Variants in RERG observed in about 807,000 individuals in gnomAD.
The protein encoded by RERG is RAS like estrogen regulated growth inhibitor.
In RERG, 25 loss-of-function variants were observed where a neutral mutation model predicts 23.2. The observed-to-expected ratio is 1.08, with a 90% CI of 0.79 to 1.50. The LOEUF (loss-of-function observed/expected upper bound fraction) is 1.50, where lower values mean the gene tolerates loss of function less well. Among genes scored for constraint, RERG ranks in the 40% most tolerant of loss-of-function variants. The probability of loss-of-function intolerance (pLI) is 0.00; values close to 1 mark genes in which losing one functional copy is unlikely to be tolerated. For missense variants in RERG, 253 were observed against 250.1 expected (o/e 1.01, Z -0.08); for synonymous variants, 81 against 89.1 (o/e 0.91, Z 0.51).
intron 2 of RERG, among the ~76,000 whole-genome samples, chr12:15,129,476 C>A (rs1218479608): frequency 6.6e-6 from 1 of 152,186 alleles, no homozygotes; most frequent in Non-Finnish European, 1.5e-5. Context: ...ATGTGACTTT[C>A]ACACACATTC....
At chr12:15,144,000 C>T (rs957864822) in intron 2 of RERG, among the ~76,000 whole-genome samples, 5 of 152,002 alleles carry the variant, frequency 3.3e-5, no homozygotes, top group Admixed American at 3.3e-4. Context: ...AACAGGAGGC[C>T]ACCAGTGTGG....
At chr12:15,171,048 A>G (rs781699138) in intron 2 of RERG, among the ~76,000 whole-genome samples, 1 of 152,206 alleles carries the variant, frequency 6.6e-6, no homozygotes, top group Non-Finnish European at 1.5e-5. Context: ...CACTGTAGTA[A>G]CATGAATGAA....
intron 2 of RERG, among the ~76,000 whole-genome samples, chr12:15,155,670 C>A (rs1484771325): frequency 6.6e-6 from 1 of 152,168 alleles, no homozygotes; most frequent in Non-Finnish European, 1.5e-5. Flanking sequence ...TGACAATTAT[C>A]TTGTTCTAGC....
At chr12:15,184,124 C>T (rs1219678127) in intron 2 of RERG, among the ~76,000 whole-genome samples, 1 of 147,678 alleles carries the variant, frequency 6.8e-6, no homozygotes, top group Non-Finnish European at 1.5e-5. Flanking sequence ...AAATCAATCA[C>T]TTAATGTCTT....
chr12:15,219,174 AAT>A lies in RERG; in HGVS notation c.-114-1573_-114-1572del, dbSNP rs562280443. On this transcript the variant is annotated intron_variant, in intron 1 of 4. Transcript: ENST00000256953. ...AGGCAGTAAAGATGTTTTAAACACA[AAT>A]ATGTTATCTAAATGTGTTAAATGTT... Among the ~76,000 whole-genome samples, 223 of 152,324 alleles carry A rather than the reference AAT, an allele frequency of 1.5e-3. 2 individuals are homozygous for A. Among genetic ancestry groups the A allele is most frequent in the African/African-American group, 5.2e-3 (217 of 41,574 alleles).
At chr12:15,206,026 T>A (rs1382019667) in intron 2 of RERG, among the ~76,000 whole-genome samples, 1 of 152,088 alleles carries the variant, frequency 6.6e-6, no homozygotes, top group Non-Finnish European at 1.5e-5. Context: ...ATACAGCTAC[T>A]GAGATTCTAT....
intron 2 of RERG, among the ~76,000 whole-genome samples, chr12:15,156,053 AAAAT>A (rs1488829397): frequency 2.0e-5 from 3 of 151,196 alleles, no homozygotes; most frequent in Admixed American, 2.0e-4. Flanking sequence ...AACATTTTTT[AAAAT>A]AAATAGGTGA....
At chr12:15,169,070 GA>G in intron 2 of RERG, among the ~76,000 whole-genome samples, 1 of 152,240 alleles carries the variant, frequency 6.6e-6, no homozygotes, top group South Asian at 2.1e-4. Flanking sequence ...CCCAAGGTAA[GA>G]AAATAAAACA....
At chr12:15,129,329 T>TA (rs1864002925) in intron 2 of RERG, among the ~76,000 whole-genome samples, 1 of 151,528 alleles carries the variant, frequency 6.6e-6, no homozygotes. Context: ...GTCAGATCTT[T>TA]AAAAAAGGGG....
chr12:15,168,718 C>A (rs1864731829), intron 2 of RERG, among the ~76,000 whole-genome samples: 1 of 152,204 alleles, frequency 6.6e-6, no homozygotes, highest in Admixed American at 6.5e-5. Context: ...AGCCCCATAT[C>A]AACTCGCCAT....
chr12:15,200,956 T>G (rs147795802), intron 2 of RERG, among the ~76,000 whole-genome samples: 554 of 152,010 alleles, frequency 3.6e-3, no homozygotes, highest in Non-Finnish European at 6.2e-3. Flanking sequence ...TCCTCCTCCC[T>G]TAACACTTCC....
intron 2 of RERG, among the ~76,000 whole-genome samples, chr12:15,130,445 C>G (rs900568105): frequency 6.6e-6 from 1 of 152,098 alleles, no homozygotes; most frequent in Non-Finnish European, 1.5e-5. Flanking sequence ...ACAGATGAAG[C>G]CAGGGGACAA....
chr12:15,213,870 A>C (rs916586500), intron 2 of RERG, among the ~76,000 whole-genome samples: 2 of 152,194 alleles, frequency 1.3e-5, no homozygotes, highest in African/African-American at 4.8e-5. Flanking sequence ...GGTGACACTA[A>C]TATATTTCTG....
At chr12:15,129,448 ATCTC>A (rs1026922047) in intron 2 of RERG, among the ~76,000 whole-genome samples, 1 of 152,178 alleles carries the variant, frequency 6.6e-6, no homozygotes, top group Non-Finnish European at 1.5e-5. Flanking sequence ...TATCAAATCT[ATCTC>A]TCTTTCTCCA....
chr12:15,138,617 G>C (rs1209214813), intron 2 of RERG, among the ~76,000 whole-genome samples: 1 of 151,940 alleles, frequency 6.6e-6, no homozygotes, highest in African/African-American at 2.4e-5. Context: ...TTTTCCAGTA[G>C]AGACTTTGGC....
At chr12:15,123,929 T>C (rs1863888336) in intron 2 of RERG, among the ~76,000 whole-genome samples, 1 of 152,160 alleles carries the variant, frequency 6.6e-6, no homozygotes, top group Non-Finnish European at 1.5e-5. Context: ...GCCTTTCCAT[T>C]AAACAAGCCA....
intron 2 of RERG, among the ~76,000 whole-genome samples, chr12:15,166,071 A>G (rs1864682847): frequency 1.3e-5 from 2 of 152,212 alleles, no homozygotes; most frequent in South Asian, 4.1e-4. Context: ...TGCACAGGGT[A>G]AAAGACTTAA....
At chr12:15,150,353 G>A (rs947552155) in intron 2 of RERG, among the ~76,000 whole-genome samples, 11 of 152,206 alleles carry the variant, frequency 7.2e-5, no homozygotes, top group African/African-American at 2.2e-4. Context: ...TTTATAGACC[G>A]TCAAATGTAG....
intron 2 of RERG, among the ~76,000 whole-genome samples, chr12:15,176,427 T>G (rs1413548960): frequency 1.3e-5 from 2 of 152,304 alleles, no homozygotes; most frequent in East Asian, 3.9e-4. Context: ...AGTTATGCTT[T>G]TTTTAACATG....
Sources: allele counts gnomAD v4.1 joint callset (sites outside exome capture counted in the v4.1 genomes callset), GRCh38; gene constraint gnomAD v4.1.1; transcripts MANE v1.5; gene names NCBI Gene and HGNC (gene_info 2026-07-23, HGNC 2026-07-21).